The following TTLL11 variants were observed in gnomAD, a reference collection of about 807,000 sequenced individuals.
TTLL11 encodes the protein tubulin tyrosine ligase like 11.
A neutral mutation model predicts 51.7 loss-of-function variants in TTLL11; 42 were observed. The ratio of observed to expected loss-of-function variants is 0.81; its 90% confidence interval spans 0.64 to 1.05. TTLL11 has a LOEUF of 1.05. Ranked by LOEUF, TTLL11 falls within the 50% of genes least tolerant of loss-of-function variation. The pLI is 0.00. For missense variants in TTLL11, 799 were observed against 940.4 expected, an observed-to-expected ratio of 0.85 and a Z score of 1.97; for synonymous variants, 381 against 383.5, an observed-to-expected ratio of 0.99 and a Z score of 0.08.
intron 6 of TTLL11, among the ~76,000 whole-genome samples, chr9:121,895,394 G>A (rs1839427773): frequency 6.6e-6 from 1 of 151,548 alleles, no homozygotes; most frequent in East Asian, 1.9e-4. Flanking sequence ...ATGATTGTGT[G>A]TTTGTGTGAC....
Position 121,924,782 on chromosome 9 carries a change from C to G in TTLL11, c.1481+49227G>C, listed in dbSNP as rs548423307. 3.0e-3 allele frequency among the ~76,000 whole-genome samples: 441 copies of G among 146,144 alleles called. 3 individuals are homozygous for G. Among genetic ancestry groups the G allele is most frequent in the African/African-American group, 0.011 (422 of 39,598 alleles). ...AAGCACTTTTTTTTTTTTTTTTAACCTGAGCAAAAATCGTCAAGCCCAGCT... is the reference window on the plus strand; with the variant it reads ...AAGCACTTTTTTTTTTTTTTTTAACGTGAGCAAAAATCGTCAAGCCCAGCT... On this transcript the variant is annotated intron_variant, in intron 6 of 8. Transcript: ENST00000321582.
intron 4 of TTLL11, among the ~76,000 whole-genome samples, chr9:121,981,443 A>T (rs1352190938): frequency 6.6e-6 from 1 of 152,096 alleles, no homozygotes; most frequent in African/African-American, 2.4e-5. Context: ...CACTAAGCTC[A>T]TATGTTCCTT....
chr9:121,860,359 C>T lies in TTLL11; in HGVS notation c.1818G>A (p.Met606Ile). The change falls in exon 8 of 9, where the codon ATG becomes ATA. Residue 606 changes from methionine to isoleucine, a missense_variant. Transcript: ENST00000321582. ...YIDITRRWNS[M>I]TLDQRDSGMC... ...TACCTGAGTCCCGCTGGTCCAGGGT[C>T]ATGGAGTTCCACCTCCGTGTGATGT... 1 of 1,551,532 alleles carries T rather than the reference C, an allele frequency of 6.4e-7. No individual in the cohort carries two copies. The highest frequency in any genetic ancestry group is 8.7e-7 in the Non-Finnish European group (1 of 1,146,938).
rs371487142 is a variant in TTLL11, at chr9:121,902,806, C to T, written c.1482-32058G>A. Among the ~76,000 whole-genome samples, 4 of 152,230 alleles carry T rather than the reference C, an allele frequency of 2.6e-5. No individual in the cohort carries two copies. The South Asian group carries it at 8.3e-4, about 32-fold the overall frequency. ...TGGCCACAGGAATGGTCAGCCATGC[C>T]ATTCTCTGTGGACTTCTAGTTCGTC... On this transcript the variant is annotated intron_variant, in intron 6 of 8. Transcript: ENST00000321582.
intron 3 of TTLL11, among the ~76,000 whole-genome samples, chr9:121,994,167 G>C (rs1043451078): frequency 6.6e-6 from 1 of 152,208 alleles, no homozygotes; most frequent in African/African-American, 2.4e-5. Flanking sequence ...TGTTGGGGCA[G>C]AGTGGGAGAC....
chr9:121,854,848 C>T (rs565696547), intron 8 of TTLL11, among the ~76,000 whole-genome samples: 3 of 152,324 alleles, frequency 2.0e-5, no homozygotes, highest in African/African-American at 7.2e-5. Context: ...GCTACGACAT[C>T]CCAGTTTTGC....
chr9:122,034,533 T>C (rs1411892924), intron 2 of TTLL11, among the ~76,000 whole-genome samples: 1 of 152,174 alleles, frequency 6.6e-6, no homozygotes, highest in African/African-American at 2.4e-5. Context: ...GGGTGTAGAC[T>C]TCTCTCAATC....
rs908926359 is a variant in TTLL11 at position 121,820,974 on chromosome 9, G to A, written c.*1613C>T. Among the ~76,000 whole-genome samples the A allele has an allele frequency of 6.6e-6, 1 of 151,916 alleles. No homozygotes were observed. Among genetic ancestry groups the A allele is most frequent in the Non-Finnish European group, 1.5e-5 (1 of 67,954 alleles). Reference sequence around the variant, plus strand: ...TGCTGCGCGGCAGCCACACCGTGGGGGAAACAGGTTTTCCTCTTTGAGAGG... The same window carrying A: ...TGCTGCGCGGCAGCCACACCGTGGGAGAAACAGGTTTTCCTCTTTGAGAGG... On this transcript the variant is annotated 3_prime_UTR_variant, in exon 9 of 9. Coordinates refer to ENST00000321582, the MANE Select transcript of TTLL11 (RefSeq NM_001139442.2).
At chr9:121,937,428 G>C (rs1841279352) in intron 6 of TTLL11, among the ~76,000 whole-genome samples, 3 of 152,160 alleles carry the variant, frequency 2.0e-5, no homozygotes, top group Admixed American at 6.5e-5. Flanking sequence ...GCCAGAATTT[G>C]CATGCAAATT....
intron 6 of TTLL11, among the ~76,000 whole-genome samples, chr9:121,929,743 G>A (rs1252855781): frequency 6.6e-6 from 1 of 152,184 alleles, no homozygotes; most frequent in Non-Finnish European, 1.5e-5. Context: ...CACTTGACAG[G>A]GAGGCATAAG....
intron 8 of TTLL11, among the ~76,000 whole-genome samples, chr9:121,826,533 G>GTATATATATATATA (rs1564260517): frequency 0.072 from 3,661 of 51,014 alleles, 248 homozygotes; most frequent in Non-Finnish European, 0.093. Flanking sequence ...ATATATGTGT[G>GTATATATATATATA]TGTGTATATA....
chr9:121,888,804 A>G (rs1022703537), intron 6 of TTLL11, among the ~76,000 whole-genome samples: 1 of 152,262 alleles, frequency 6.6e-6, no homozygotes, highest in Non-Finnish European at 1.5e-5. Context: ...ACACAGTAAC[A>G]GCCGCTATGG....
At chr9:121,857,515 C>T (rs1020021731) in intron 8 of TTLL11, among the ~76,000 whole-genome samples, 2 of 152,154 alleles carry the variant, frequency 1.3e-5, no homozygotes, top group Non-Finnish European at 2.9e-5. Context: ...GAAGGCCTGG[C>T]GTGAGAATTT....
In TTLL11 at chr9:121,821,725, T is replaced by C. The variant is rs1836582856; in HGVS notation, c.*862A>G. On this transcript the variant is annotated 3_prime_UTR_variant, in exon 9 of 9. Transcript: ENST00000321582. This position sits in a 1 kb window ranked among gnomAD's most constrained non-coding sequence, Gnocchi z 5.0. ...CTCCTCTTGCTCTGGTTCTTATCCA[T>C]GTCTGATTTCCTTCCCTCACCCAGG... Among the ~76,000 whole-genome samples, 1 of 152,164 alleles carries C rather than the reference T, an allele frequency of 6.6e-6. No homozygotes were observed. Among genetic ancestry groups the C allele is most frequent in the African/African-American group, 2.4e-5 (1 of 41,442 alleles).
intron 6 of TTLL11, among the ~76,000 whole-genome samples, chr9:121,932,540 C>T (rs1841028737): frequency 6.6e-6 from 1 of 152,178 alleles, no homozygotes; most frequent in Non-Finnish European, 1.5e-5. Flanking sequence ...CATCCACAAT[C>T]ATTAGCAGCC....
chr9:121,862,875 G>T (rs958296248), intron 7 of TTLL11, among the ~76,000 whole-genome samples: 2 of 152,136 alleles, frequency 1.3e-5, no homozygotes, highest in African/African-American at 4.8e-5. Flanking sequence ...CTCTGTTAGG[G>T]ACCGGACAGG....
chr9:121,896,053 T>C (rs1464770805), intron 6 of TTLL11, among the ~76,000 whole-genome samples: 1 of 147,000 alleles, frequency 6.8e-6, no homozygotes, highest in African/African-American at 2.5e-5. Flanking sequence ...TACATTTGTG[T>C]GGCTGTGTGT....
intron 6 of TTLL11, among the ~76,000 whole-genome samples, chr9:121,874,860 G>A (rs1470886221): frequency 1.3e-5 from 2 of 151,558 alleles, no homozygotes; most frequent in Non-Finnish European, 2.9e-5. Flanking sequence ...GGGTTCAAGC[G>A]AATCTCTTGT....
At chr9:122,053,706 G>A (rs763631436) in intron 1 of TTLL11, among the ~76,000 whole-genome samples, 7 of 152,142 alleles carry the variant, frequency 4.6e-5, no homozygotes, top group East Asian at 3.9e-4. Flanking sequence ...GGGGGAAGGC[G>A]TGGGAGAGTA....
Sources: gnomAD v4.1 joint callset for allele counts (sites outside exome capture counted in the v4.1 genomes callset) on GRCh38, gnomAD v4.1.1 for gene constraint, Gnocchi (gnomAD v3.1) non-coding constraint, MANE v1.5 for transcripts, NCBI Gene and HGNC (gene_info 2026-07-23, HGNC 2026-07-21) for gene names.